The following PLGRKT variants were observed in gnomAD, a reference collection of about 807,000 sequenced individuals.
PLGRKT encodes the protein plasminogen receptor with a C-terminal lysine, also known as plasminogen receptor (KT).
PLGRKT carries 22 observed loss-of-function variants against 18.5 expected under a neutral mutation model. That is an observed-to-expected ratio of 1.19 (90% CI 0.85 to 1.70). PLGRKT has a LOEUF of 1.70. Among genes scored for constraint, PLGRKT ranks in the 40% most tolerant of loss-of-function variants. The pLI is 0.00. For missense variants in PLGRKT, 235 were observed against 174.4 expected (o/e 1.35, Z -1.96); for synonymous variants, 72 against 52.8 (o/e 1.36, Z -1.58).
intron 3 of PLGRKT, among the ~76,000 whole-genome samples, chr9:5,390,210 T>G (rs545299030): frequency 5.1e-5 from 7 of 137,666 alleles, no homozygotes; most frequent in African/African-American, 1.8e-4. Flanking sequence ...TGTGTATATG[T>G]GTGTGCGTGT....
At chr9:5,400,842 G>A (rs1444687536) in intron 3 of PLGRKT, among the ~76,000 whole-genome samples, 3 of 151,746 alleles carry the variant, frequency 2.0e-5, no homozygotes, top group African/African-American at 2.4e-5. Flanking sequence ...ATTCAACTAC[G>A]CTGCTATTCA....
At chr9:5,380,993 C>G (rs1817733166) in intron 3 of PLGRKT, among the ~76,000 whole-genome samples, 1 of 152,204 alleles carries the variant, frequency 6.6e-6, no homozygotes, top group South Asian at 2.1e-4. Flanking sequence ...TTCCCCCTTT[C>G]TCTCTGTCTT....
chr9:5,414,892 C>G (rs1011363659), intron 3 of PLGRKT, among the ~76,000 whole-genome samples: 3 of 152,126 alleles, frequency 2.0e-5, no homozygotes, highest in Non-Finnish European at 4.4e-5. Context: ...ATAGAAGTGT[C>G]AATATGAACT....
At chr9:5,391,863 G>A (rs1026114888) in intron 3 of PLGRKT, among the ~76,000 whole-genome samples, 3 of 152,024 alleles carry the variant, frequency 2.0e-5, no homozygotes, top group African/African-American at 7.3e-5. Context: ...AGCCCTGCAG[G>A]TAATTTAGAC....
chr9:5,369,017 TAGGCAATACCATTC>T (rs1336783790), intron 3 of PLGRKT, among the ~76,000 whole-genome samples: 1 of 152,138 alleles, frequency 6.6e-6, no homozygotes, highest in Non-Finnish European at 1.5e-5. Flanking sequence ...GAAGAAAACC[TAGGCAATACCATTC>T]AGGACATAGG....
At chr9:5,401,356 A>G (rs1160911948) in intron 3 of PLGRKT, among the ~76,000 whole-genome samples, 1 of 152,018 alleles carries the variant, frequency 6.6e-6, no homozygotes, top group Non-Finnish European at 1.5e-5. Context: ...TGTTCACATT[A>G]AAACTTTGTC....
chr9:5,401,579 C>T (rs1818154848), intron 3 of PLGRKT, among the ~76,000 whole-genome samples: 1 of 151,752 alleles, frequency 6.6e-6, no homozygotes, highest in Admixed American at 6.6e-5. Context: ...TCAAAAAAAA[C>T]ATTTTTTAAG....
chr9:5,426,388 G>A (rs1271556824), intron 3 of PLGRKT, among the ~76,000 whole-genome samples: 1 of 152,096 alleles, frequency 6.6e-6, no homozygotes, highest in Non-Finnish European at 1.5e-5. Flanking sequence ...AATGATGCTG[G>A]AAGTTTAATT....
intron 3 of PLGRKT, among the ~76,000 whole-genome samples, chr9:5,371,861 C>T (rs972496159): frequency 6.6e-6 from 1 of 151,634 alleles, no homozygotes; most frequent in Non-Finnish European, 1.5e-5. Context: ...ATGTCATTCC[C>T]AACAGTGCAC....
At chr9:5,399,851 C>A (rs573731652) in intron 3 of PLGRKT, among the ~76,000 whole-genome samples, 1 of 151,460 alleles carries the variant, frequency 6.6e-6, no homozygotes. Flanking sequence ...ATTAGCCAGG[C>A]CTGGTGGTGC....
chr9:5,394,119 T>C (rs954464345), intron 3 of PLGRKT, among the ~76,000 whole-genome samples: 2 of 151,910 alleles, frequency 1.3e-5, no homozygotes, highest in Non-Finnish European at 2.9e-5. Flanking sequence ...ACATGTTCAC[T>C]ACAAGTAACC....
At chr9:5,398,597 A>C (rs1007087032) in intron 3 of PLGRKT, among the ~76,000 whole-genome samples, 12 of 151,732 alleles carry the variant, frequency 7.9e-5, no homozygotes, top group African/African-American at 2.9e-4. Flanking sequence ...TAAAGCTACA[A>C]ACATCCTGGC....
chr9:5,433,662 G>A (rs1818885303), intron 2 of PLGRKT, among the ~76,000 whole-genome samples: 1 of 146,064 alleles, frequency 6.8e-6, no homozygotes, highest in Non-Finnish European at 1.5e-5. Flanking sequence ...CGTCTGGGAT[G>A]TGAGGAGTGC....
chr9:5,434,590 C>T (rs1818920542), intron 2 of PLGRKT, among the ~76,000 whole-genome samples: 1 of 148,202 alleles, frequency 6.7e-6, no homozygotes, highest in Admixed American at 6.7e-5. Flanking sequence ...GCGCCTCTGC[C>T]TGGCCGCCCC....
At position 5,436,587 on chromosome 9, in the gene PLGRKT, C is replaced by G. The variant is rs1359161968; in HGVS notation, c.-25G>C. 2.6e-5 allele frequency: 4 copies of G among 152,254 alleles called. No homozygotes were observed. Among genetic ancestry groups the G allele is most frequent in the Non-Finnish European group, 2.9e-5 (2 of 68,078 alleles). The allele number at this position is 152,254 out of a possible 1,614,324, so 9.4% of individuals were successfully genotyped here. A position where few individuals can be genotyped will look rare whatever the true frequency, so the allele number is the denominator to read the frequency against. On this transcript the variant is annotated 5_prime_UTR_variant, in exon 2 of 6. Coordinates refer to ENST00000223864, the MANE Select transcript of PLGRKT (RefSeq NM_018465.4). ...GATTTACCTCTTTCTGGGCCTTGCT[C>G]TCCTGGGTCTGGACTTGTAGTCTGA...
In PLGRKT at chr9:5,418,650, G is replaced by A. The variant is rs550707641; in HGVS notation, c.81+13247C>T. The A allele has an allele frequency of 7.3e-5, 50 of 687,580 alleles. 1 individual carries two copies. In the East Asian group the frequency reaches 1.2e-3, roughly 16 times the overall value. The allele number at this position is 687,580 out of a possible 1,614,324, so 42.6% of individuals were successfully genotyped here. ...GGCTCATATCTCCGGGCAGCAGCGCGTGCTCCTTGGAGATGGGCAGGGGCA... is the reference window on the plus strand; with the variant it reads ...GGCTCATATCTCCGGGCAGCAGCGCATGCTCCTTGGAGATGGGCAGGGGCA... On this transcript the variant is annotated intron_variant, in intron 3 of 5. Transcript: ENST00000223864. This position sits in a 1 kb window ranked among gnomAD's most constrained non-coding sequence, Gnocchi z 4.2.
chr9:5,396,197 C>T (rs1320304369), intron 3 of PLGRKT, among the ~76,000 whole-genome samples: 1 of 151,502 alleles, frequency 6.6e-6, no homozygotes, highest in African/African-American at 2.4e-5. Context: ...CCCAGCAAAC[C>T]TAACACTTTT....
At chr9:5,413,170 T>C (rs1001633774) in intron 3 of PLGRKT, among the ~76,000 whole-genome samples, 1 of 152,208 alleles carries the variant, frequency 6.6e-6, no homozygotes, top group Admixed American at 6.5e-5. Flanking sequence ...ATCTAACAAG[T>C]ACTTGCCTTT....
chr9:5,376,298 A>G (rs1817626306), intron 3 of PLGRKT, among the ~76,000 whole-genome samples: 1 of 152,156 alleles, frequency 6.6e-6, no homozygotes, highest in Non-Finnish European at 1.5e-5. Flanking sequence ...AGGCAGCACA[A>G]GGGAGAGGCG....
Sources: allele counts gnomAD v4.1 joint callset (sites outside exome capture counted in the v4.1 genomes callset), GRCh38; gene constraint gnomAD v4.1.1; non-coding constraint Gnocchi (gnomAD v3.1); transcripts MANE v1.5; gene names NCBI Gene and HGNC (gene_info 2026-07-23, HGNC 2026-07-21).